E2F3: variants seen among roughly 807,000 people sequenced by gnomAD.
E2F3 encodes E2F transcription factor 3, also known as transcription factor E2F3.
A neutral mutation model predicts 44.4 loss-of-function variants in E2F3; 11 were observed. The ratio of observed to expected loss-of-function variants is 0.25; its 90% CI spans 0.16 to 0.41. The LOEUF (loss-of-function observed/expected upper bound fraction) is 0.41, where lower values mean the gene tolerates loss of function less well. E2F3 is among the 10% of genes least tolerant of loss of function. The probability of loss-of-function intolerance (pLI) is 1.00; values close to 1 mark genes in which losing one functional copy is unlikely to be tolerated. For missense variants in E2F3, 487 were observed against 583.6 expected, an observed-to-expected ratio of 0.83 and a Z score of 1.70; for synonymous variants, 249 against 253.0, an observed-to-expected ratio of 0.98 and a Z score of 0.15.
chr6:20,490,496 A>C lies in E2F3; in HGVS notation c.*66A>C. On this transcript the variant is annotated 3_prime_UTR_variant, in exon 7 of 7. Transcript: ENST00000346618. This position sits in a 1 kb window ranked among gnomAD's most constrained non-coding sequence, Gnocchi z 4.3. ...TTATCATGGAACCAGAACATCTGTC[A>C]TGCAGTGTTGTCCCTTCCTACCTTC... The C allele has an allele frequency of 6.7e-7, 1 of 1,482,658 alleles. No homozygotes were observed. The allele number at this position is 1,482,658 out of a possible 1,614,324, so 91.8% of individuals were successfully genotyped here. A position where few individuals can be genotyped will look rare whatever the true frequency, so the allele number is the denominator to read the frequency against.
intron 1 of E2F3, among the ~76,000 whole-genome samples, chr6:20,477,249 T>C (rs935288192): frequency 6.6e-6 from 1 of 152,108 alleles, no homozygotes; most frequent in African/African-American, 2.4e-5. Context: ...GTGTGATCCA[T>C]GCACCCAGCC....
intron 1 of E2F3, among the ~76,000 whole-genome samples, chr6:20,475,831 A>G (rs887035635): frequency 6.6e-6 from 1 of 152,142 alleles, no homozygotes; most frequent in South Asian, 2.1e-4. Flanking sequence ...ATACAGCTCT[A>G]TGTCTCCTTA....
At chr6:20,430,919 G>A (rs537039286) in intron 1 of E2F3, among the ~76,000 whole-genome samples, 17 of 152,308 alleles carry the variant, frequency 1.1e-4, no homozygotes, top group African/African-American at 3.9e-4. Context: ...CAGCTACTTG[G>A]GAGGCTGAGG....
chr6:20,414,232 A>G (rs1759768953), intron 1 of E2F3, among the ~76,000 whole-genome samples: 1 of 152,214 alleles, frequency 6.6e-6, no homozygotes, highest in South Asian at 2.1e-4. Context: ...AACGAGACAA[A>G]TTCATCAGGT....
chr6:20,478,087 T>A (rs763372866), intron 1 of E2F3, among the ~76,000 whole-genome samples: 3 of 152,060 alleles, frequency 2.0e-5, no homozygotes, highest in African/African-American at 4.8e-5. Flanking sequence ...TGGTCCCATC[T>A]ACTCAGGAGG....
intron 1 of E2F3, among the ~76,000 whole-genome samples, chr6:20,469,475 A>G (rs115833115): frequency 0.011 from 1,645 of 152,344 alleles, 20 homozygotes; most frequent in Non-Finnish European, 0.017. Context: ...ATGTGCATCT[A>G]TTTGTTTTTT....
At position 20,405,563 on chromosome 6, in the gene E2F3, G is replaced by A. The variant is rs113056910; in HGVS notation, c.393+2938G>A. ...CTACTGGCCGGGCGCTGTGGCTCAT[G>A]CCTGTAATCCCGGTACTTTGGGAAG... On this transcript the variant is annotated intron_variant, in intron 1 of 6. Coordinates refer to ENST00000346618, the MANE Select transcript of E2F3 (RefSeq NM_001949.5). Among the ~76,000 whole-genome samples the A allele has an allele frequency of 8.3e-3, 1,264 of 152,226 alleles. 18 individuals are homozygous for A. Among genetic ancestry groups the A allele is most frequent in the African/African-American group, 0.029 (1,196 of 41,530 alleles).
At chr6:20,406,670 C>T (rs1226248528) in intron 1 of E2F3, among the ~76,000 whole-genome samples, 1 of 152,152 alleles carries the variant, frequency 6.6e-6, no homozygotes, top group African/African-American at 2.4e-5. Flanking sequence ...TGAATTGTGA[C>T]AATTCAAGGC....
chr6:20,408,639 G>T (rs186161495), intron 1 of E2F3, among the ~76,000 whole-genome samples: 16 of 152,338 alleles, frequency 1.1e-4, no homozygotes, highest in Admixed American at 6.5e-5. Context: ...ACAGCCAGAT[G>T]CACTTTGCTT....
intron 1 of E2F3, among the ~76,000 whole-genome samples, chr6:20,418,186 G>A (rs925206312): frequency 3.3e-5 from 5 of 152,276 alleles, no homozygotes; most frequent in East Asian, 1.9e-4. Context: ...ACTGGGGACC[G>A]ACGTGTGGGC....
In E2F3 at chr6:20,402,022, G is replaced by A; in HGVS notation, c.-211G>A. On this transcript the variant is annotated 5_prime_UTR_variant, in exon 1 of 7. Transcript: ENST00000346618. This position sits in a 1 kb window ranked among gnomAD's most constrained non-coding sequence, Gnocchi z 5.6. Reference sequence around the variant, plus strand: ...TTGGGGCCCGATATCCGTGCGGCCGGGACCCTCCTCTCTCCAGAGCCCCGA... The same window carrying A: ...TTGGGGCCCGATATCCGTGCGGCCGAGACCCTCCTCTCTCCAGAGCCCCGA... 1.3e-6 allele frequency: 1 copy of A among 790,828 alleles called. No individual in the cohort carries two copies. Among genetic ancestry groups the A allele is most frequent in the East Asian group, 3.4e-5 (1 of 29,236 alleles). 49.0% of individuals were successfully genotyped at this position (790,828 alleles called of 1,614,324 possible). A position where few individuals can be genotyped will look rare whatever the true frequency, so the allele number is the denominator to read the frequency against.
At chr6:20,456,661 A>G (rs1447134766) in intron 1 of E2F3, among the ~76,000 whole-genome samples, 1 of 152,244 alleles carries the variant, frequency 6.6e-6, no homozygotes, top group Non-Finnish European at 1.5e-5. Flanking sequence ...TACAAGATTC[A>G]TTAACTATGT....
At chr6:20,447,065 T>A (rs965040731) in intron 1 of E2F3, among the ~76,000 whole-genome samples, 4 of 152,166 alleles carry the variant, frequency 2.6e-5, no homozygotes, top group Admixed American at 1.3e-4. Context: ...AATATCAAGA[T>A]AGAGTGTAAT....
intron 1 of E2F3, among the ~76,000 whole-genome samples, chr6:20,461,391 G>T (rs1247502337): frequency 6.6e-6 from 1 of 152,174 alleles, no homozygotes; most frequent in African/African-American, 2.4e-5. Context: ...CCACTTGGGA[G>T]GCTGAGGCGG....
intron 1 of E2F3, among the ~76,000 whole-genome samples, chr6:20,464,109 C>A (rs1761621048): frequency 6.6e-6 from 1 of 152,194 alleles, no homozygotes; most frequent in African/African-American, 2.4e-5. Context: ...CCTCTAGGAA[C>A]CTCTGTGTGT....
intron 5 of E2F3, among the ~76,000 whole-genome samples, chr6:20,487,881 T>C (rs1371971474): frequency 6.6e-6 from 1 of 152,214 alleles, no homozygotes; most frequent in Non-Finnish European, 1.5e-5. Context: ...TGTGACTCTC[T>C]TCCAATAAAA....
rs1760464877 is a variant in E2F3, at chr6:20,433,247, G to T, written c.393+30622G>T. On this transcript the variant is annotated intron_variant, in intron 1 of 6. Coordinates refer to ENST00000346618, the MANE Select transcript of E2F3 (RefSeq NM_001949.5). ...TTTGTTTTTAAATTCAGACTCTGTG[G>T]ACTCAGTTCAATTCACACAATTGCC... is the stretch of plus-strand genomic sequence containing the variant. Among the ~76,000 whole-genome samples, 4 of 152,274 alleles carry T rather than the reference G, an allele frequency of 2.6e-5. No homozygotes were observed. In the South Asian group the frequency reaches 8.3e-4, roughly 32 times the overall value.
At chr6:20,441,939 C>A (rs1461115911) in intron 1 of E2F3, among the ~76,000 whole-genome samples, 1 of 151,940 alleles carries the variant, frequency 6.6e-6, no homozygotes, top group African/African-American at 2.4e-5. Context: ...ATCCTACTAG[C>A]CATGCACTAG....
At chr6:20,439,479 A>G (rs896267943) in intron 1 of E2F3, among the ~76,000 whole-genome samples, 1 of 152,262 alleles carries the variant, frequency 6.6e-6, no homozygotes, top group Admixed American at 6.5e-5. Context: ...AAGTCTTTCC[A>G]CTGATTACAA....
Sources: allele counts gnomAD v4.1 joint callset (sites outside exome capture counted in the v4.1 genomes callset), GRCh38; gene constraint gnomAD v4.1.1; non-coding constraint Gnocchi (gnomAD v3.1); transcripts MANE v1.5; gene names NCBI Gene and HGNC (gene_info 2026-07-23, HGNC 2026-07-21).